Variants in PKHD1L1 observed in about 807,000 individuals in gnomAD.
The protein encoded by PKHD1L1 is PKHD1 like 1.
PKHD1L1 carries 434 observed loss-of-function variants against 462.9 expected under a neutral mutation model. The observed-to-expected ratio is 0.94, with a 90% CI of 0.87 to 1.02. The LOEUF (loss-of-function observed/expected upper bound fraction) is 1.02, where lower values mean the gene tolerates loss of function less well. Among genes scored for constraint, PKHD1L1 ranks in the 50% least tolerant of loss-of-function variants. The pLI, the probability that PKHD1L1 is intolerant of heterozygous loss-of-function variation, is 0.00. For synonymous variants in PKHD1L1, 1,781 were observed against 1,750.0 expected (o/e 1.02, Z -0.44); for missense variants, 5,202 against 5,096.1 (o/e 1.02, Z -0.63).
rs1816064607 is a variant in PKHD1L1 at position 109,445,241 on chromosome 8, T to C, written c.5372T>C (p.Ile1791Thr). ...VFIGNQQFRA[I>T]EVNENNITAL... is the part of the protein sequence containing the mutation. Reference sequence around the variant, plus strand: ...ATTGGAAATCAACAGTTCAGAGCAATAGAGGTTAATGAAAACAACATCACT... The same window carrying C: ...ATTGGAAATCAACAGTTCAGAGCAACAGAGGTTAATGAAAACAACATCACT... The change falls in exon 38 of 78, where the codon ATA becomes ACA. Residue 1791 changes from isoleucine to threonine, a missense_variant. Ile to Thr is a moderately conservative substitution (Grantham distance 89). This residue lies in a region of PKHD1L1 where 4,497 missense variants were observed against 4,336.8 expected (regional missense o/e 1.04). Transcript: ENST00000378402. The C allele has an allele frequency of 3.7e-6, 6 of 1,613,838 alleles. No homozygotes were observed. The highest frequency in any genetic ancestry group is 5.1e-6 in the Non-Finnish European group (6 of 1,179,878).
intron 2 of PKHD1L1, among the ~76,000 whole-genome samples, chr8:109,376,707 G>T (rs1161271814): frequency 6.6e-6 from 1 of 152,188 alleles, no homozygotes; most frequent in East Asian, 1.9e-4. Context: ...GATCTTAGCA[G>T]ATATCTGATT....
chr8:109,388,291 G>GTTCA (rs1325479164), intron 6 of PKHD1L1, among the ~76,000 whole-genome samples: 2 of 152,080 alleles, frequency 1.3e-5, no homozygotes, highest in African/African-American at 4.8e-5. Flanking sequence ...CCTTTGTTAA[G>GTTCA]TTCACCGATG....
At position 109,464,973 on chromosome 8, in the gene PKHD1L1, A is replaced by G; in HGVS notation, c.8141A>G (p.Asp2714Gly). 1 of 1,613,862 alleles carries G rather than the reference A, an allele frequency of 6.2e-7. No individual in the cohort carries two copies. The highest frequency in any genetic ancestry group is 8.5e-7 in the Non-Finnish European group (1 of 1,179,802). ...IKNAKIVGHL[D>G]ELGMGSAFCT... is the part of the protein sequence containing the mutation. ...AATGCCAAAATAGTCGGCCATCTTG[A>G]TGAACTGGGAATGGGGTCTGCATTT... Residue 2714 changes from aspartate (D) to glycine (G), a missense_variant, in exon 49 of 78, where the codon GAT (aspartate) becomes GGT (glycine). Physicochemically the swap from Asp to Gly is moderately conservative, Grantham distance 94. Around this residue, in one of 3 missense-constraint regions of PKHD1L1, gnomAD observed 4,497 missense variants for 4,336.8 expected, o/e 1.04. Coordinates refer to ENST00000378402, the MANE Select transcript of PKHD1L1 (RefSeq NM_177531.6).
At position 109,382,583 on chromosome 8, in the gene PKHD1L1, T is replaced by A; in HGVS notation, c.417+12T>A. The A allele has an allele frequency of 6.3e-7, 1 of 1,596,574 alleles. No homozygotes were observed. The highest frequency in any genetic ancestry group is 8.6e-7 in the Non-Finnish European group (1 of 1,169,442). On this transcript the variant is annotated intron_variant, in intron 4 of 77. Transcript: ENST00000378402. ...AATGTACCTTCAACGTATGTAGGAATCTTCTCTTCAGTTTATGTATAGTTG... is the reference window on the plus strand; with the variant it reads ...AATGTACCTTCAACGTATGTAGGAAACTTCTCTTCAGTTTATGTATAGTTG...
chr8:109,519,236 T>TA (rs571374991), intron 73 of PKHD1L1, among the ~76,000 whole-genome samples: 54 of 152,076 alleles, frequency 3.6e-4, no homozygotes, highest in African/African-American at 1.1e-3. Flanking sequence ...TTATCAGAGA[T>TA]AAAAAAATAA....
chr8:109,512,813 T>C (rs1460671441), intron 71 of PKHD1L1, among the ~76,000 whole-genome samples: 2 of 151,188 alleles, frequency 1.3e-5, no homozygotes, highest in African/African-American at 4.8e-5. Context: ...TGATATTGAT[T>C]CTTCCTACCC....
At chr8:109,517,068 A>T (rs1820305788) in intron 72 of PKHD1L1, among the ~76,000 whole-genome samples, 1 of 152,148 alleles carries the variant, frequency 6.6e-6, no homozygotes. Flanking sequence ...CAACACAGGG[A>T]TATTATTTTG....
chr8:109,461,645 A>T, intron 47 of PKHD1L1, 127 bp from the exon 48 acceptor site: 1 of 1,024,226 alleles, frequency 9.8e-7, no homozygotes, highest in Non-Finnish European at 1.4e-6. Context: ...GTGAATGCAA[A>T]TAACTATGTT....
intron 28 of PKHD1L1, 73 bp downstream of exon 28, chr8:109,433,289 C>A: frequency 8.6e-7 from 1 of 1,164,668 alleles, no homozygotes; most frequent in Non-Finnish European, 1.3e-6. Flanking sequence ...GGCAGTATTA[C>A]AATTATCTTG....
chr8:109,496,912 C>T lies in PKHD1L1; in HGVS notation c.10328-7C>T, dbSNP rs1275413494. The T allele has an allele frequency of 6.2e-7, 1 of 1,607,508 alleles. No individual in the cohort carries two copies. Among genetic ancestry groups the T allele is most frequent in the East Asian group, 2.2e-5 (1 of 44,762 alleles). ...GTTCATTCTCTGGTTCTATATTTCC[C>T]TCCAAGGCCAGTTTAATCCTGTGGA... On this transcript the variant is annotated splice_region_variant and splice_polypyrimidine_tract_variant and intron_variant, in intron 63 of 77. Coordinates refer to ENST00000378402, the MANE Select transcript of PKHD1L1 (RefSeq NM_177531.6).
chr8:109,363,020 T>C (rs1811056575), intron 1 of PKHD1L1, among the ~76,000 whole-genome samples: 1 of 152,038 alleles, frequency 6.6e-6, no homozygotes, highest in African/African-American at 2.4e-5. Flanking sequence ...TTTTCCTCCA[T>C]TCTTCTTGGG....
chr8:109,438,669 T>A (rs568457524), intron 31 of PKHD1L1, among the ~76,000 whole-genome samples: 46 of 151,934 alleles, frequency 3.0e-4, no homozygotes, highest in East Asian at 1.2e-3. Flanking sequence ...TTTTTTTTTT[T>A]AAAAAAGGAC....
chr8:109,479,896 A>T, intron 54 of PKHD1L1, 95 bp from the exon 55 acceptor site: 1 of 1,203,096 alleles, frequency 8.3e-7, no homozygotes, highest in Non-Finnish European at 1.1e-6. Flanking sequence ...TGTCATAAAC[A>T]CTCAAAACTA....
At chr8:109,501,193 A>T (rs1475894098) in intron 67 of PKHD1L1, among the ~76,000 whole-genome samples, 1 of 152,158 alleles carries the variant, frequency 6.6e-6, no homozygotes, top group Non-Finnish European at 1.5e-5. Flanking sequence ...TCCAAAGTTG[A>T]CACGTCAGCT....
At chr8:109,492,055 C>A in intron 62 of PKHD1L1, 61 bp downstream of exon 62, 1 of 1,251,750 alleles carries the variant, frequency 8.0e-7, no homozygotes, top group Non-Finnish European at 1.1e-6. Context: ...TGAAAAATAT[C>A]TAATAAAATG....
intron 28 of PKHD1L1, among the ~76,000 whole-genome samples, chr8:109,433,695 G>A (rs1815238337): frequency 1.3e-5 from 2 of 152,162 alleles, no homozygotes; most frequent in African/African-American, 4.8e-5. Flanking sequence ...TTGAAATAGT[G>A]AAGGCCATAG....
At chr8:109,467,397 C>T (rs576457617) in intron 50 of PKHD1L1, among the ~76,000 whole-genome samples, 2 of 150,416 alleles carry the variant, frequency 1.3e-5, no homozygotes, top group African/African-American at 4.9e-5. Flanking sequence ...GCCCCGCCCC[C>T]CTTCCCCCCA....
intron 50 of PKHD1L1, chr8:109,471,084 A>T: frequency 6.4e-7 from 1 of 1,550,554 alleles, no homozygotes; most frequent in South Asian, 1.1e-5. Flanking sequence ...ATTCCTCATC[A>T]AACATACAGC....
chr8:109,439,525 G>C (rs1474206187), intron 32 of PKHD1L1, among the ~76,000 whole-genome samples: 1 of 152,086 alleles, frequency 6.6e-6, no homozygotes, highest in Non-Finnish European at 1.5e-5. Flanking sequence ...AATACTGTGA[G>C]TTAGAGGTAC....
Sources: allele counts gnomAD v4.1 joint callset (sites outside exome capture counted in the v4.1 genomes callset), GRCh38; gene constraint gnomAD v4.1.1; regional missense constraint gnomAD v4.1.1; transcripts MANE v1.5; gene names NCBI Gene and HGNC (gene_info 2026-07-23, HGNC 2026-07-21).